Variants in RAB27B observed in about 807,000 individuals in gnomAD.
The protein encoded by RAB27B is RAB27B, member RAS oncogene family.
Under a neutral mutation model 24.6 loss-of-function variants are expected in RAB27B, and 15 were observed. That is an observed-to-expected ratio of 0.61 (90% CI 0.41 to 0.94). The LOEUF (loss-of-function observed/expected upper bound fraction) is 0.94. Among genes scored for constraint, RAB27B ranks in the 40% least tolerant of loss-of-function variants. The pLI is 0.00. For missense variants in RAB27B, 261 were observed against 266.8 expected, an observed-to-expected ratio of 0.98 and a Z score of 0.15; for synonymous variants, 105 against 92.5, an observed-to-expected ratio of 1.14 and a Z score of -0.78.
At chr18:54,852,287 G>A (rs890453926) in intron 1 of RAB27B, among the ~76,000 whole-genome samples, 1 of 152,052 alleles carries the variant, frequency 6.6e-6, no homozygotes, top group Non-Finnish European at 1.5e-5. Context: ...TATATAGGAG[G>A]GATCTGAGGC....
intron 2 of RAB27B, among the ~76,000 whole-genome samples, chr18:54,791,213 GA>G (rs1001586662): frequency 3.3e-5 from 5 of 151,922 alleles, no homozygotes; most frequent in African/African-American, 1.2e-4. Context: ...AAAGAAAAAA[GA>G]AAGAAGAAGA....
At chr18:54,739,552 CTTT>C (rs543711683) in intron 2 of RAB27B, among the ~76,000 whole-genome samples, 1 of 134,972 alleles carries the variant, frequency 7.4e-6, no homozygotes. Context: ...TTTTTTCTTT[CTTT>C]TTTTTTTTTG....
chr18:54,881,000 G>A (rs1403430601), intron 3 of RAB27B, among the ~76,000 whole-genome samples: 1 of 152,148 alleles, frequency 6.6e-6, no homozygotes, highest in Non-Finnish European at 1.5e-5. Context: ...GGTATTGATA[G>A]AAGTCACATC....
intron 1 of RAB27B, among the ~76,000 whole-genome samples, chr18:54,868,369 C>A (rs1486251816): frequency 6.6e-6 from 1 of 152,140 alleles, no homozygotes; most frequent in African/African-American, 2.4e-5. Context: ...CTTCCTGAGG[C>A]CTCCCCAGAA....
chr18:54,810,833 AAAATAAATAAATAAATAAAT>A (rs74180479), intron 2 of RAB27B, among the ~76,000 whole-genome samples: 18 of 140,226 alleles, frequency 1.3e-4, no homozygotes, highest in South Asian at 7.2e-4. Context: ...ACCCTGTCTC[AAAATAAATAAATAAATAAAT>A]AAATAAATAA....
intron 4 of RAB27B, among the ~76,000 whole-genome samples, chr18:54,887,397 C>T (rs1382149536): frequency 6.6e-6 from 1 of 151,954 alleles, no homozygotes; most frequent in Non-Finnish European, 1.5e-5. Flanking sequence ...TATGTGCTAG[C>T]AACTTGGTAT....
intron 1 of RAB27B, among the ~76,000 whole-genome samples, chr18:54,841,569 G>A (rs114472871): frequency 1.2e-4 from 19 of 152,270 alleles, no homozygotes; most frequent in African/African-American, 4.3e-4. Flanking sequence ...TAATTCTGCA[G>A]ACTAAAGTAT....
intron 2 of RAB27B, among the ~76,000 whole-genome samples, chr18:54,794,592 C>T (rs1027766441): frequency 2.0e-5 from 3 of 152,126 alleles, no homozygotes. Flanking sequence ...TGTATTTGAT[C>T]CACACAATGT....
At chr18:54,886,547 G>C (rs541552405) in intron 4 of RAB27B, among the ~76,000 whole-genome samples, 1 of 151,970 alleles carries the variant, frequency 6.6e-6, no homozygotes, top group East Asian at 1.9e-4. Flanking sequence ...TTTCATAATT[G>C]CTTCTCCAAA....
At chr18:54,804,873 CTTTTTT>C (rs879856768) in intron 2 of RAB27B, among the ~76,000 whole-genome samples, 31,888 of 137,498 alleles carry the variant, frequency 0.23, 4,776 homozygotes, top group East Asian at 0.39. Flanking sequence ...TTCTTTTTTT[CTTTTTT>C]CTTTCTTTCT....
At chr18:54,790,048 C>T (rs1260675471) in intron 2 of RAB27B, among the ~76,000 whole-genome samples, 2 of 151,944 alleles carry the variant, frequency 1.3e-5, no homozygotes. Context: ...AGGTAAATTC[C>T]TTACTGAAGG....
At chr18:54,752,872 TCTA>T (rs1414692521) in intron 2 of RAB27B, among the ~76,000 whole-genome samples, 3 of 152,180 alleles carry the variant, frequency 2.0e-5, no homozygotes, top group Non-Finnish European at 4.4e-5. Flanking sequence ...CACTTGGCTG[TCTA>T]CTTTTTGTGT....
intron 2 of RAB27B, among the ~76,000 whole-genome samples, chr18:54,747,855 C>A (rs1343789093): frequency 6.6e-6 from 1 of 152,102 alleles, no homozygotes; most frequent in Non-Finnish European, 1.5e-5. Context: ...TGCCTATAGT[C>A]CCAGTACTTT....
chr18:54,808,827 A>C, intron 2 of RAB27B, among the ~76,000 whole-genome samples: 1 of 152,248 alleles, frequency 6.6e-6, no homozygotes, highest in East Asian at 1.9e-4. Context: ...TAAAAACAGA[A>C]AAATATGGAA....
At chr18:54,729,558 G>C (rs879491839) in intron 2 of RAB27B, among the ~76,000 whole-genome samples, 18 of 152,108 alleles carry the variant, frequency 1.2e-4, no homozygotes, top group Non-Finnish European at 1.9e-4. Context: ...ATCTTGTATT[G>C]CTTGAGAAAA....
intron 2 of RAB27B, among the ~76,000 whole-genome samples, chr18:54,798,126 A>C (rs1445066700): frequency 6.6e-6 from 1 of 151,998 alleles, no homozygotes; most frequent in Non-Finnish European, 1.5e-5. Flanking sequence ...CTTTCCTATT[A>C]ATGTTTTATA....
intron 1 of RAB27B, among the ~76,000 whole-genome samples, chr18:54,843,023 C>G (rs1180275120): frequency 6.6e-6 from 1 of 152,150 alleles, no homozygotes; most frequent in Non-Finnish European, 1.5e-5. Flanking sequence ...GTCTCCATGT[C>G]CTGACCTCAT....
At chr18:54,857,517 A>G (rs1437046205) in intron 1 of RAB27B, among the ~76,000 whole-genome samples, 1 of 152,240 alleles carries the variant, frequency 6.6e-6, no homozygotes, top group Admixed American at 6.5e-5. Flanking sequence ...TGTATTGTAA[A>G]TTCTATATAT....
chr18:54,747,924 A>T (rs1224159402), intron 2 of RAB27B, among the ~76,000 whole-genome samples: 1 of 152,100 alleles, frequency 6.6e-6, no homozygotes, highest in Non-Finnish European at 1.5e-5. Context: ...CCTGGACAAC[A>T]TAGTAAAACC....
Sources: allele counts gnomAD v4.1 joint callset (sites outside exome capture counted in the v4.1 genomes callset), GRCh38; gene constraint gnomAD v4.1.1; transcripts MANE v1.5; gene names NCBI Gene and HGNC (gene_info 2026-07-23, HGNC 2026-07-21).